Variants in RFC3 observed in about 807,000 individuals in gnomAD.
RFC3 encodes replication factor C subunit 3, also known as A1 38 kDa subunit.
Under a neutral mutation model 45.1 loss-of-function variants are expected in RFC3, and 41 were observed. The ratio of observed to expected loss-of-function variants is 0.91; its 90% CI spans 0.71 to 1.18. The LOEUF (loss-of-function observed/expected upper bound fraction) is 1.18, where lower values mean the gene tolerates loss of function less well. Ranked by LOEUF, RFC3 falls within the 50% of genes most tolerant of loss-of-function variation. RFC3 has a pLI of 0.00. For synonymous variants in RFC3, 149 were observed against 144.0 expected (o/e 1.03, Z -0.25); for missense variants, 423 against 428.1 (o/e 0.99, Z 0.10).
chr13:33,896,762 G>A (rs918087060), intron 8 of RFC3, among the ~76,000 whole-genome samples: 16 of 138,346 alleles, frequency 1.2e-4, no homozygotes, highest in Non-Finnish European at 1.8e-4. Context: ...CATATAAAGA[G>A]GCTCTATCCT....
At chr13:33,904,728 G>T (rs17080117) in intron 8 of RFC3, among the ~76,000 whole-genome samples, 17 of 151,830 alleles carry the variant, frequency 1.1e-4, no homozygotes, top group Non-Finnish European at 2.5e-4. Context: ...TTCTCTCGCC[G>T]CAATTTCTTC....
chr13:33,966,036 A>C, intron 8 of RFC3: 1 of 1,321,008 alleles, frequency 7.6e-7, no homozygotes, highest in South Asian at 1.2e-5. Flanking sequence ...AATCTCATTC[A>C]TAGTAGGGTC....
At chr13:33,897,235 A>G (rs1312526522) in intron 8 of RFC3, among the ~76,000 whole-genome samples, 1 of 152,082 alleles carries the variant, frequency 6.6e-6, no homozygotes, top group African/African-American at 2.4e-5. Context: ...AAAATATGTA[A>G]ATTGGGACAA....
chr13:33,913,351 T>C (rs150952946), intron 8 of RFC3, among the ~76,000 whole-genome samples: 41 of 152,172 alleles, frequency 2.7e-4, no homozygotes, highest in African/African-American at 9.4e-4. Flanking sequence ...GGGCTGCTTA[T>C]GTAAGGCCAG....
At chr13:33,822,709 T>G (rs1038697804) in intron 2 of RFC3, among the ~76,000 whole-genome samples, 2 of 152,164 alleles carry the variant, frequency 1.3e-5, no homozygotes, top group African/African-American at 2.4e-5. Flanking sequence ...TTTATAGAGA[T>G]AAATTCCAGA....
At chr13:33,844,747 AGTT>A (rs772977998) in intron 8 of RFC3, among the ~76,000 whole-genome samples, 10 of 152,194 alleles carry the variant, frequency 6.6e-5, no homozygotes, top group South Asian at 6.2e-4. Flanking sequence ...TGTTCTGAAA[AGTT>A]GTTGTAGTTA....
intron 8 of RFC3, among the ~76,000 whole-genome samples, chr13:33,918,494 G>A (rs1290350797): frequency 2.6e-5 from 4 of 152,112 alleles, no homozygotes; most frequent in Non-Finnish European, 5.9e-5. Context: ...GAGTAAATGA[G>A]AGAATGCTTG....
At chr13:33,966,365 C>G (rs778054971) in exon 9 of RFC3, 6 of 567,248 alleles carry the variant, frequency 1.1e-5, no homozygotes, top group Non-Finnish European at 1.9e-5. Context: ...ACACTCATCT[C>G]CTCTGTAATG....
chr13:33,962,459 A>G (rs2083063155), intron 8 of RFC3, among the ~76,000 whole-genome samples: 1 of 152,180 alleles, frequency 6.6e-6, no homozygotes, highest in Admixed American at 6.6e-5. Context: ...ATGTTTACTA[A>G]TGGATAAGCT....
chr13:33,833,355 T>C (rs1324721994), intron 7 of RFC3, among the ~76,000 whole-genome samples: 1 of 152,072 alleles, frequency 6.6e-6, no homozygotes, highest in African/African-American at 2.4e-5. Flanking sequence ...GAGAAAAATA[T>C]TAACTTTTTA....
chr13:33,856,338 G>A (rs1430657807), intron 8 of RFC3, among the ~76,000 whole-genome samples: 1 of 152,138 alleles, frequency 6.6e-6, no homozygotes, highest in Non-Finnish European at 1.5e-5. Context: ...CCCACCAGAA[G>A]GTGGAGGGTG....
At chr13:33,924,391 T>A (rs546683361) in intron 8 of RFC3, among the ~76,000 whole-genome samples, 2 of 152,010 alleles carry the variant, frequency 1.3e-5, no homozygotes, top group Non-Finnish European at 2.9e-5. Context: ...AAATCCTACC[T>A]GCTGACTGTG....
intron 8 of RFC3, among the ~76,000 whole-genome samples, chr13:33,899,390 A>G (rs34646676): frequency 0.065 from 9,902 of 151,888 alleles, 485 homozygotes; most frequent in African/African-American, 0.14. Context: ...TACGCAAATC[A>G]GTAAATGTGA....
intron 8 of RFC3, among the ~76,000 whole-genome samples, chr13:33,852,728 A>G (rs2082284307): frequency 6.6e-6 from 1 of 152,174 alleles, no homozygotes; most frequent in Admixed American, 6.5e-5. Context: ...TTTTAGGTCA[A>G]ACTGATTTTT....
chr13:33,876,086 C>T (rs1250356207), intron 8 of RFC3, among the ~76,000 whole-genome samples: 1 of 152,122 alleles, frequency 6.6e-6, no homozygotes, highest in African/African-American at 2.4e-5. Context: ...CCTATTGTAT[C>T]CAAAGATTCT....
chr13:33,958,285 C>G (rs115727524), intron 8 of RFC3, among the ~76,000 whole-genome samples: 1 of 152,112 alleles, frequency 6.6e-6, no homozygotes, highest in African/African-American at 2.4e-5. Flanking sequence ...TGGGCCAGGC[C>G]GTTTGGAGTG....
chr13:33,894,966 C>T (rs528359742), intron 8 of RFC3, among the ~76,000 whole-genome samples: 1 of 152,186 alleles, frequency 6.6e-6, no homozygotes, highest in South Asian at 2.1e-4. Context: ...GAAGAATGAA[C>T]TGGACACCTA....
chr13:33,937,000 C>G (rs1004479685), intron 8 of RFC3, among the ~76,000 whole-genome samples: 1 of 152,130 alleles, frequency 6.6e-6, no homozygotes, highest in Non-Finnish European at 1.5e-5. Context: ...AGCAGCAAAA[C>G]TATGTGATGA....
intron 8 of RFC3, among the ~76,000 whole-genome samples, chr13:33,891,666 A>G (rs1473775381): frequency 6.6e-6 from 1 of 152,206 alleles, no homozygotes; most frequent in African/African-American, 2.4e-5. Context: ...ACAACAAAAA[A>G]AGTGACCTAA....
Sources: gnomAD v4.1 joint callset for allele counts (sites outside exome capture counted in the v4.1 genomes callset) on GRCh38, gnomAD v4.1.1 for gene constraint, MANE v1.5 for transcripts, NCBI Gene and HGNC (gene_info 2026-07-23, HGNC 2026-07-21) for gene names.